Variants in SIMC1 observed in about 807,000 individuals in gnomAD.
The protein encoded by SIMC1 is SUMO-interacting motif-containing protein 1.
SIMC1 carries 55 observed loss-of-function variants against 82.3 expected under a neutral mutation model. The ratio of observed to expected loss-of-function variants is 0.67; its 90% CI spans 0.54 to 0.84. The LOEUF (loss-of-function observed/expected upper bound fraction) is 0.84. SIMC1 is among the 40% of genes least tolerant of loss of function. The pLI, the probability that SIMC1 is intolerant of heterozygous loss-of-function variation, is 0.00. For synonymous variants in SIMC1, 353 were observed against 426.3 expected (o/e 0.83, Z 2.12); for missense variants, 915 against 1,107.2 (o/e 0.83, Z 2.46).
At chr5:176,329,193 C>T (rs989862038) in intron 7 of SIMC1, among the ~76,000 whole-genome samples, 43 of 152,188 alleles carry the variant, frequency 2.8e-4, no homozygotes, top group African/African-American at 9.9e-4. Context: ...CTGTTCTGGC[C>T]GGGCGCGGGG....
chr5:176,288,669 AC>A (rs571739012), intron 1 of SIMC1, among the ~76,000 whole-genome samples: 66 of 152,228 alleles, frequency 4.3e-4, no homozygotes, highest in African/African-American at 1.6e-3. Flanking sequence ...TTCTCACTTG[AC>A]CCACTCAGAA....
chr5:176,324,297 G>T (rs1765283394), intron 6 of SIMC1, among the ~76,000 whole-genome samples: 1 of 152,160 alleles, frequency 6.6e-6, no homozygotes, highest in East Asian at 1.9e-4. Flanking sequence ...GCAAAACAGG[G>T]AAGTTATAGA....
chr5:176,333,632 G>A (rs1765765242), intron 7 of SIMC1, among the ~76,000 whole-genome samples: 1 of 152,132 alleles, frequency 6.6e-6, no homozygotes, highest in Non-Finnish European at 1.5e-5. Flanking sequence ...GTTTCACCGT[G>A]TTGGCCAGGC....
At chr5:176,300,927 A>G (rs1258724126) in intron 4 of SIMC1, among the ~76,000 whole-genome samples, 1 of 152,218 alleles carries the variant, frequency 6.6e-6, no homozygotes, top group East Asian at 1.9e-4. Flanking sequence ...AACAATAACT[A>G]GTAAGGAGAT....
intron 4 of SIMC1, among the ~76,000 whole-genome samples, chr5:176,312,843 G>C (rs1764725688): frequency 6.6e-6 from 1 of 152,158 alleles, no homozygotes; most frequent in South Asian, 2.1e-4. Flanking sequence ...TGAAGCCTAA[G>C]CTCCCAGCAC....
At chr5:176,270,753 GC>G (rs1352484991) in intron 1 of SIMC1, among the ~76,000 whole-genome samples, 1 of 152,222 alleles carries the variant, frequency 6.6e-6, no homozygotes, top group Non-Finnish European at 1.5e-5. Flanking sequence ...GCAGAATTTG[GC>G]CAGTGCCCAC....
Position 176,319,532 on chromosome 5 carries a change from A to G in SIMC1, c.1890-2741A>G, listed in dbSNP as rs114933611. 9.3e-3 allele frequency among the ~76,000 whole-genome samples: 1,409 copies of G among 152,252 alleles called. 17 individuals carry two copies. Among genetic ancestry groups the G allele is most frequent in the Middle Eastern group, 0.031 (9 of 294 alleles). On this transcript the variant is annotated intron_variant, in intron 5 of 9. Coordinates refer to ENST00000429602, the MANE Select transcript of SIMC1 (RefSeq NM_001308195.2). ...CGGAGCAAGCCCTCATCTCTAAAAA[A>G]TAATAATAATAGGCTGGGCACAGTG...
In SIMC1 at chr5:176,290,710, T is replaced by C. The variant is rs773286217; in HGVS notation, c.1186T>C (p.Ser396Pro). The change falls in exon 2 of 10, where the codon TCT (serine) becomes CCT (proline). Residue 396 changes from serine to proline, a missense_variant. Physicochemically the swap from Ser to Pro is moderately conservative, Grantham distance 74. Around this residue, in one of 2 missense-constraint regions of SIMC1, gnomAD observed 902 missense variants for 1,040.3 expected, o/e 0.87. Transcript: ENST00000429602. ...DISALSSPSCSPSPQSETPLE... is the reference protein window; with the variant it reads ...DISALSSPSCPPSPQSETPLE... ...CTCAGCTCTGTCCTCTCCAAGCTGC[T>C]CTCCCAGCCCACAGTCTGAAACTCC... 6.2e-7 allele frequency: 1 copy of C among 1,613,888 alleles called. No homozygotes were observed. The highest frequency in any genetic ancestry group is 8.5e-7 in the Non-Finnish European group (1 of 1,179,860).
chr5:176,333,506 G>T (rs1227784322), intron 7 of SIMC1, among the ~76,000 whole-genome samples: 4 of 151,342 alleles, frequency 2.6e-5, no homozygotes, highest in Non-Finnish European at 5.9e-5. Context: ...TAAGCTCACC[G>T]CAACCTCTGC....
intron 4 of SIMC1, among the ~76,000 whole-genome samples, chr5:176,298,039 C>T (rs1763896164): frequency 6.6e-6 from 1 of 152,160 alleles, no homozygotes; most frequent in South Asian, 2.1e-4. Context: ...CCTTGTTACC[C>T]CATGGAGACA....
At chr5:176,335,794 A>G (rs1765864867) in intron 7 of SIMC1, among the ~76,000 whole-genome samples, 1 of 152,010 alleles carries the variant, frequency 6.6e-6, no homozygotes, top group Non-Finnish European at 1.5e-5. Flanking sequence ...TGTAATCCCA[A>G]CACTTTGGGA....
At chr5:176,273,350 A>G (rs543865738) in intron 1 of SIMC1, among the ~76,000 whole-genome samples, 1 of 152,332 alleles carries the variant, frequency 6.6e-6, no homozygotes, top group Non-Finnish European at 1.5e-5. Context: ...GCAAACTCCA[A>G]CAAACCTACA....
At chr5:176,246,448 GT>G (rs1554104447) in intron 1 of SIMC1, among the ~76,000 whole-genome samples, 1,320 of 128,298 alleles carry the variant, frequency 0.01, no homozygotes, top group East Asian at 0.02. Context: ...GTGTGTGTGT[GT>G]TGTTTGTTTG....
chr5:176,287,006 T>A (rs952078183), intron 1 of SIMC1, among the ~76,000 whole-genome samples: 2 of 152,076 alleles, frequency 1.3e-5, no homozygotes, highest in Admixed American at 6.6e-5. Flanking sequence ...TGTGAAGAAA[T>A]AGGAACACTT....
intron 1 of SIMC1, among the ~76,000 whole-genome samples, chr5:176,283,069 G>A (rs1763087909): frequency 6.6e-6 from 1 of 152,188 alleles, no homozygotes; most frequent in African/African-American, 2.4e-5. Flanking sequence ...GAAAGTGATG[G>A]GGAGAATGGA....
chr5:176,323,029 G>A (rs2113371304), intron 6 of SIMC1, among the ~76,000 whole-genome samples: 1 of 152,278 alleles, frequency 6.6e-6, no homozygotes. Flanking sequence ...AGTATTCCAT[G>A]TCAATCATAT....
Position 176,288,108 on chromosome 5 carries a change from G to A in SIMC1, c.130-1546G>A, listed in dbSNP as rs370997995. ...CCTAGGTGATCCACCGCGCCTAGCC[G>A]GTGATGGGTTTTAAATAGTCCAGGC... On this transcript the variant is annotated intron_variant, in intron 1 of 9. Transcript: ENST00000429602. Among the ~76,000 whole-genome samples, 166 of 152,282 alleles carry A rather than the reference G, an allele frequency of 1.1e-3. 1 individual carries two copies. Among genetic ancestry groups the A allele is most frequent in the African/African-American group, 3.8e-3 (157 of 41,556 alleles).
chr5:176,309,036 G>A, intron 4 of SIMC1: 3 of 772,246 alleles, frequency 3.9e-6, no homozygotes, highest in South Asian at 2.9e-5. Flanking sequence ...AATGGAGAAA[G>A]ATGAAAATAT....
In SIMC1 at chr5:176,289,805, C is replaced by T. The variant is rs1763459661; in HGVS notation, c.281C>T (p.Pro94Leu). Residue 94 changes from proline to leucine, a missense_variant, in exon 2 of 10, where the codon CCA becomes CTA. Pro to Leu is a moderately conservative substitution (Grantham distance 98). This residue lies in a region of SIMC1 where 902 missense variants were observed against 1,040.3 expected (regional missense o/e 0.87). Transcript: ENST00000429602. ...LEPVTPSQKEPTSLQTCASLS... is the reference protein window; with the variant it reads ...LEPVTPSQKELTSLQTCASLS... ...CCTGTCACTCCTTCCCAGAAGGAGCCAACCAGTCTTCAGACATGTGCCAGC... is the reference window on the plus strand; with the variant it reads ...CCTGTCACTCCTTCCCAGAAGGAGCTAACCAGTCTTCAGACATGTGCCAGC... 4 of 1,613,978 alleles carry T rather than the reference C, an allele frequency of 2.5e-6. No homozygotes were observed. The highest frequency in any genetic ancestry group is 1.1e-5 in the South Asian group (1 of 91,080).
Sources: gnomAD v4.1 joint callset for allele counts (sites outside exome capture counted in the v4.1 genomes callset) on GRCh38, gnomAD v4.1.1 for gene constraint, gnomAD v4.1.1 regional missense constraint, MANE v1.5 for transcripts, NCBI Gene and HGNC (gene_info 2026-07-23, HGNC 2026-07-21) for gene names.